SEMA3A: variants seen among roughly 807,000 people sequenced by gnomAD.
SEMA3A encodes semaphorin-3A.
SEMA3A carries 29 observed loss-of-function variants against 97.9 expected under a neutral mutation model. The observed-to-expected ratio is 0.30, with a 90% CI of 0.22 to 0.40. The LOEUF is 0.40. Ranked by LOEUF, SEMA3A falls within the 10% of genes least tolerant of loss-of-function variation. The probability of loss-of-function intolerance (pLI) is 1.00; values close to 1 mark genes in which losing one functional copy is unlikely to be tolerated. For missense variants in SEMA3A, 763 were observed against 951.3 expected, an observed-to-expected ratio of 0.80 and a Z score of 2.60; for synonymous variants, 321 against 323.7, an observed-to-expected ratio of 0.99 and a Z score of 0.09.
At chr7:84,014,462 G>T in intron 6 of SEMA3A, 111 bp from the exon 7 acceptor site, 2 of 804,774 alleles carry the variant, frequency 2.5e-6, no homozygotes, top group East Asian at 2.9e-5. Flanking sequence ...TTCAAGAAAC[G>T]TATCTTTCGT....
At chr7:84,055,068 T>C (rs1027125759) in intron 5 of SEMA3A, among the ~76,000 whole-genome samples, 1 of 151,980 alleles carries the variant, frequency 6.6e-6, no homozygotes, top group Non-Finnish European at 1.5e-5. Flanking sequence ...CGTTCTCAGA[T>C]CTCCAGCTGC....
At chr7:83,999,329 G>A (rs62473921) in intron 12 of SEMA3A, among the ~76,000 whole-genome samples, 35,266 of 151,880 alleles carry the variant, frequency 0.23, 4,382 homozygotes, top group Middle Eastern at 0.29. Flanking sequence ...TAGCTAAGAT[G>A]TGAAATATAA....
At chr7:84,068,910 C>T (rs1221545470) in intron 4 of SEMA3A, among the ~76,000 whole-genome samples, 1 of 152,098 alleles carries the variant, frequency 6.6e-6, no homozygotes, top group Non-Finnish European at 1.5e-5. Context: ...TCCTTTCCTC[C>T]TTTTTGTTCA....
At chr7:84,168,542 A>T (rs749587193) in intron 1 of SEMA3A, among the ~76,000 whole-genome samples, 93 of 152,108 alleles carry the variant, frequency 6.1e-4, no homozygotes, top group Middle Eastern at 3.4e-3. Context: ...ACACAGAATT[A>T]CTAAAAGGAA....
intron 2 of SEMA3A, among the ~76,000 whole-genome samples, chr7:84,347,910 A>G (rs563560246): frequency 1.3e-5 from 2 of 152,320 alleles, no homozygotes; most frequent in South Asian, 4.1e-4. Flanking sequence ...GTTTCAGGAC[A>G]TGATTGTATT....
intron 3 of SEMA3A, among the ~76,000 whole-genome samples, chr7:84,257,274 T>A (rs980770573): frequency 9.2e-5 from 14 of 152,200 alleles, no homozygotes; most frequent in South Asian, 4.1e-4. Flanking sequence ...TAATTTTTTT[T>A]TTTTATTTTA....
chr7:84,345,809 G>T (rs1000258106), intron 2 of SEMA3A, among the ~76,000 whole-genome samples: 1 of 152,092 alleles, frequency 6.6e-6, no homozygotes, highest in Non-Finnish European at 1.5e-5. Flanking sequence ...CATGAGGGTT[G>T]GCATCAATTT....
intron 1 of SEMA3A, among the ~76,000 whole-genome samples, chr7:84,139,608 A>G (rs1250904257): frequency 2.0e-5 from 3 of 152,084 alleles, no homozygotes; most frequent in Non-Finnish European, 4.4e-5. Flanking sequence ...TCTTACTATT[A>G]TATAAGACAA....
At chr7:84,006,961 A>G (rs34654986) in intron 10 of SEMA3A, among the ~76,000 whole-genome samples, 25,061 of 152,078 alleles carry the variant, frequency 0.16, 2,276 homozygotes, top group South Asian at 0.22. Flanking sequence ...TATAAAATTA[A>G]GGTTATAGAA....
chr7:84,000,941 G>A (rs923116672), intron 12 of SEMA3A, among the ~76,000 whole-genome samples: 2 of 152,016 alleles, frequency 1.3e-5, no homozygotes, highest in Non-Finnish European at 2.9e-5. Flanking sequence ...CTGAAAATTT[G>A]AATCCAGCCT....
intron 1 of SEMA3A, among the ~76,000 whole-genome samples, chr7:84,454,842 A>C (rs768683490): frequency 5.9e-5 from 9 of 152,036 alleles, no homozygotes; most frequent in Non-Finnish European, 1.0e-4. Flanking sequence ...AATTAATTTT[A>C]TATGAACCCA....
intron 4 of SEMA3A, among the ~76,000 whole-genome samples, chr7:84,088,055 A>C (rs1794434400): frequency 6.6e-6 from 1 of 152,054 alleles, no homozygotes. Context: ...TGTTACATTT[A>C]TTTTTCCCCC....
At chr7:84,088,559 TTATC>T (rs1794459513) in intron 4 of SEMA3A, among the ~76,000 whole-genome samples, 1 of 152,188 alleles carries the variant, frequency 6.6e-6, no homozygotes, top group African/African-American at 2.4e-5. Flanking sequence ...TCAATTTTAT[TTATC>T]ATTATCATAA....
chr7:84,032,758 ATTAT>A (rs752652567), intron 6 of SEMA3A, among the ~76,000 whole-genome samples: 34 of 151,848 alleles, frequency 2.2e-4, no homozygotes, highest in Non-Finnish European at 4.4e-4. Context: ...ATAAATAATA[ATTAT>A]TTATTTATTT....
At chr7:84,007,306 T>G in intron 10 of SEMA3A, 47 bp downstream of exon 10, 1 of 1,482,120 alleles carries the variant, frequency 6.7e-7, no homozygotes, top group Non-Finnish European at 9.1e-7. Context: ...TTTTGACCTT[T>G]GGCAGAAATA....
chr7:83,997,927 G>A (rs7784183), intron 12 of SEMA3A, among the ~76,000 whole-genome samples: 23,728 of 151,600 alleles, frequency 0.16, 2,175 homozygotes, highest in Non-Finnish European at 0.21. Flanking sequence ...TAGTAGAGAC[G>A]GGGTTTCACC....
At chr7:84,011,915 A>G (rs1217616938) in intron 7 of SEMA3A, among the ~76,000 whole-genome samples, 2 of 152,174 alleles carry the variant, frequency 1.3e-5, no homozygotes, top group Non-Finnish European at 2.9e-5. Flanking sequence ...ATCAAGAAGA[A>G]GGAAATCTTG....
chr7:84,398,494 A>T (rs1803801444), intron 1 of SEMA3A, among the ~76,000 whole-genome samples: 1 of 152,158 alleles, frequency 6.6e-6, no homozygotes, highest in African/African-American at 2.4e-5. Flanking sequence ...ATCAAACTTA[A>T]GGTCTAGTAA....
chr7:84,431,305 G>T (rs1266150680), intron 1 of SEMA3A, among the ~76,000 whole-genome samples: 1 of 151,956 alleles, frequency 6.6e-6, no homozygotes, highest in East Asian at 1.9e-4. Context: ...TATTGAAAGG[G>T]CAATTTCGTT....
Sources: gnomAD v4.1 joint callset for allele counts (sites outside exome capture counted in the v4.1 genomes callset) on GRCh38, gnomAD v4.1.1 for gene constraint, MANE v1.5 for transcripts, NCBI Gene and HGNC (gene_info 2026-07-23, HGNC 2026-07-21) for gene names.